The following ANK3 variants were observed in gnomAD, a reference collection of about 807,000 sequenced individuals.
ANK3 encodes ankyrin-3.
A neutral mutation model predicts 370.9 loss-of-function variants in ANK3; 57 were observed. The observed-to-expected ratio is 0.15, with a 90% CI of 0.12 to 0.19. ANK3 has a LOEUF of 0.19. Among genes scored for constraint, ANK3 ranks in the 10% least tolerant of loss-of-function variants. The pLI, the probability that ANK3 is intolerant of heterozygous loss-of-function variation, is 1.00. For missense variants in ANK3, 4,439 were observed against 5,302.1 expected, an observed-to-expected ratio of 0.84 and a Z score of 5.06; for synonymous variants, 1,929 against 1,946.3, an observed-to-expected ratio of 0.99 and a Z score of 0.23.
At chr10:60,110,494 AGG>A (rs1486779221) in intron 26 of ANK3, among the ~76,000 whole-genome samples, 2 of 152,204 alleles carry the variant, frequency 1.3e-5, no homozygotes, top group Non-Finnish European at 2.9e-5. Flanking sequence ...TCAAGGTAAA[AGG>A]GGAAAACACT....
intron 1 of ANK3, among the ~76,000 whole-genome samples, chr10:60,326,250 A>G (rs1340961075): frequency 6.6e-6 from 1 of 152,204 alleles, no homozygotes. Flanking sequence ...CATATATAAC[A>G]CACCTGCACG....
chr10:60,664,597 A>G (rs1039304723), intron 1 of ANK3, among the ~76,000 whole-genome samples: 3 of 152,202 alleles, frequency 2.0e-5, no homozygotes, highest in African/African-American at 7.2e-5. Context: ...TGCAGGCCAA[A>G]ATGGTTAGCA....
rs142506910 is a variant in ANK3 at position 60,428,018 on chromosome 10, T to C, written c.97-148379A>G. Among the ~76,000 whole-genome samples the C allele has an allele frequency of 2.0e-5, 3 of 152,272 alleles. No homozygotes were observed. In the East Asian group the frequency reaches 5.8e-4, roughly 29 times the overall value. On this transcript the variant is annotated intron_variant, in intron 2 of 43. Coordinates refer to the ANK3 transcript ENST00000373827. ...TTAGAAGGCAATCTGTACCATAACC[T>C]GTCTAGCCCCAGAGCCCACATCAGC... is the stretch of plus-strand genomic sequence containing the variant.
At chr10:60,240,151 T>C (rs1461348003) in intron 7 of ANK3, among the ~76,000 whole-genome samples, 110 of 133,762 alleles carry the variant, frequency 8.2e-4, no homozygotes, top group African/African-American at 3.2e-3. Flanking sequence ...TACACATATA[T>C]ATACATATAT....
intron 7 of ANK3, among the ~76,000 whole-genome samples, chr10:60,259,512 T>C (rs1226716549): frequency 6.6e-6 from 1 of 152,200 alleles, no homozygotes; most frequent in Non-Finnish European, 1.5e-5. Context: ...CTCAGGAAGG[T>C]TAACAACGTG....
intron 2 of ANK3, among the ~76,000 whole-genome samples, chr10:60,573,402 A>G (rs924439471): frequency 6.6e-6 from 1 of 152,152 alleles, no homozygotes; most frequent in Non-Finnish European, 1.5e-5. Context: ...AACCCTCCAG[A>G]ATATTCAGGA....
intron 8 of ANK3, among the ~76,000 whole-genome samples, chr10:60,226,419 C>T (rs1457364429): frequency 9.0e-6 from 1 of 111,094 alleles, no homozygotes; most frequent in Non-Finnish European, 1.7e-5. Context: ...ATATAACATA[C>T]TATACAACAT....
chr10:60,085,142 C>A lies in ANK3; in HGVS notation c.3845+15G>T. 1 of 1,593,476 alleles carries A rather than the reference C, an allele frequency of 6.3e-7. No individual in the cohort carries two copies. Among genetic ancestry groups the A allele is most frequent in the Non-Finnish European group, 8.6e-7 (1 of 1,166,952 alleles). ...CTAATTCCTTACTGCTTTTTGGAAT[C>A]CTTTATTTCCATACCTGGCTGAAAC... On this transcript the variant is annotated intron_variant, in intron 31 of 43. Coordinates refer to ENST00000280772, the MANE Select transcript of ANK3 (RefSeq NM_020987.5).
intron 1 of ANK3, among the ~76,000 whole-genome samples, chr10:60,297,845 T>C (rs1373412807): frequency 3.3e-5 from 5 of 152,136 alleles, no homozygotes; most frequent in African/African-American, 1.2e-4. Flanking sequence ...ACTATAATAG[T>C]CTCAGCAGCA....
At chr10:60,384,110 G>A (rs1410085148) in intron 1 of ANK3, among the ~76,000 whole-genome samples, 2 of 152,080 alleles carry the variant, frequency 1.3e-5, no homozygotes, top group African/African-American at 4.8e-5. Context: ...TACAAAAATG[G>A]AGATGAAAAT....
In ANK3 at chr10:60,075,502, T is replaced by C; in HGVS notation, c.5379A>G (p.Arg1793=). 4 of 1,613,402 alleles carry C rather than the reference T, an allele frequency of 2.5e-6. No homozygotes were observed. The highest frequency in any genetic ancestry group is 3.4e-6 in the Non-Finnish European group (4 of 1,179,978). The change falls in exon 37 of 44, where the codon AGA becomes AGG. Residue 1793 remains arginine (R), a synonymous_variant. Transcript: ENST00000280772. ...TATAGAGTGCACTTGCGGAAGGAGTTCTTAGAGACTGAAAAGCTGATGGTG... is the reference window on the plus strand; with the variant it reads ...TATAGAGTGCACTTGCGGAAGGAGTCCTTAGAGACTGAAAAGCTGATGGTG... ...SAAPSAFQSL[R]TPSASALYTS...
At chr10:60,237,040 T>C (rs1323388364) in intron 7 of ANK3, among the ~76,000 whole-genome samples, 1 of 152,248 alleles carries the variant, frequency 6.6e-6, no homozygotes, top group Admixed American at 6.5e-5. Context: ...GCTCCAGACC[T>C]ACCAGCTTGC....
At chr10:60,385,697 C>T (rs907486651) in intron 1 of ANK3, among the ~76,000 whole-genome samples, 2 of 152,148 alleles carry the variant, frequency 1.3e-5, no homozygotes, top group Non-Finnish European at 2.9e-5. Context: ...CAGTATCTAG[C>T]ACTGTGTCAG....
chr10:60,582,667 A>G (rs1175457065), intron 2 of ANK3, among the ~76,000 whole-genome samples: 1 of 148,832 alleles, frequency 6.7e-6, no homozygotes, highest in African/African-American at 2.4e-5. Context: ...TATATAATAT[A>G]TTATATAAAA....
At chr10:60,118,867 T>C (rs2093290492) in intron 25 of ANK3, among the ~76,000 whole-genome samples, 1 of 152,198 alleles carries the variant, frequency 6.6e-6, no homozygotes, top group South Asian at 2.1e-4. Flanking sequence ...GAATTATGTC[T>C]CACAAAAAGG....
upstream of ANK3, among the ~76,000 whole-genome samples, chr10:60,392,465 T>A (rs992925875): frequency 1.3e-5 from 2 of 152,150 alleles, no homozygotes; most frequent in South Asian, 4.1e-4. Flanking sequence ...AAGAATGAGA[T>A]GCAAACATGG....
At chr10:60,584,934 G>T (rs1204072486) in intron 2 of ANK3, among the ~76,000 whole-genome samples, 1 of 152,124 alleles carries the variant, frequency 6.6e-6, no homozygotes, top group African/African-American at 2.4e-5. Flanking sequence ...CTGCCTCAAG[G>T]TCACTATGTG....
chr10:60,615,359 T>C (rs2078254344), intron 1 of ANK3: 2 of 460,302 alleles, frequency 4.3e-6, no homozygotes, highest in East Asian at 3.6e-5. Context: ...GAACACAAAG[T>C]AAAATAGAGG....
At chr10:60,690,269 G>A (rs12253065) in intron 1 of ANK3, among the ~76,000 whole-genome samples, 50,583 of 151,856 alleles carry the variant, frequency 0.33, 8,626 homozygotes, top group African/African-American at 0.37. Flanking sequence ...GCGAGCTGAA[G>A]CAGGGCGGGG....
Sources: gnomAD v4.1 joint callset for allele counts (sites outside exome capture counted in the v4.1 genomes callset) on GRCh38, gnomAD v4.1.1 for gene constraint, MANE v1.5 for transcripts, NCBI Gene and HGNC (gene_info 2026-07-23, HGNC 2026-07-21) for gene names.